Variants in EXOSC5 observed in about 807,000 individuals in gnomAD.
EXOSC5 encodes exosome complex component RRP46.
In EXOSC5, 15 loss-of-function variants were observed where a neutral mutation model predicts 23.7. That is an observed-to-expected ratio of 0.63 (90% CI 0.42 to 0.97). EXOSC5 has a LOEUF of 0.97. Among genes scored for constraint, EXOSC5 ranks in the 50% least tolerant of loss-of-function variants. The pLI, the probability that EXOSC5 is intolerant of heterozygous loss-of-function variation, is 0.00. For missense variants in EXOSC5, 305 were observed against 316.3 expected (o/e 0.96, Z 0.27); for synonymous variants, 143 against 140.9 (o/e 1.02, Z -0.11).
At chr19:41,395,002 C>A (rs2039051040) in intron 1 of EXOSC5, among the ~76,000 whole-genome samples, 1 of 150,064 alleles carries the variant, frequency 6.7e-6, no homozygotes. Flanking sequence ...TCACTGCACT[C>A]CAGCCTGGGC....
chr19:41,392,782 G>C (rs2039033022), intron 2 of EXOSC5, 85 bp downstream of exon 2: 4 of 1,206,452 alleles, frequency 3.3e-6, no homozygotes, highest in Non-Finnish European at 4.8e-6. Flanking sequence ...GGGGAGTGGA[G>C]ACTCGGGGCA....
rs1330073886 is a variant in EXOSC5, at chr19:41,392,851, A to T, written c.262+16T>A. The T allele has an allele frequency of 1.2e-6, 2 of 1,612,598 alleles. No homozygotes were observed. Among genetic ancestry groups the T allele is most frequent in the Non-Finnish European group, 1.7e-6 (2 of 1,178,882 alleles). On this transcript the variant is annotated intron_variant, in intron 2 of 5. Transcript: ENST00000221233. ...CAAACTGGGCACCACTCAGAGGTTC[A>T]GCAGGGCCCAATTACCAGGCAGCCC...
At chr19:41,393,061 G>A in intron 1 of EXOSC5, 81 bp from the exon 2 acceptor site, 1 of 1,134,572 alleles carries the variant, frequency 8.8e-7, no homozygotes, top group South Asian at 1.3e-5. Flanking sequence ...CTGACGGCCA[G>A]GGCTCCCCAC....
At chr19:41,393,604 G>C (rs2039040797) in intron 1 of EXOSC5, among the ~76,000 whole-genome samples, 1 of 151,452 alleles carries the variant, frequency 6.6e-6, no homozygotes, top group Non-Finnish European at 1.5e-5. Context: ...CTGTCGCCCA[G>C]GCTGGAGTGC....
At chr19:41,394,844 C>T (rs933149355) in intron 1 of EXOSC5, among the ~76,000 whole-genome samples, 37 of 152,088 alleles carry the variant, frequency 2.4e-4, no homozygotes, top group Non-Finnish European at 3.7e-4. Flanking sequence ...ATCAGCCTGG[C>T]CAACATGGTG....
intron 3 of EXOSC5, among the ~76,000 whole-genome samples, chr19:41,390,655 C>T (rs1161200832): frequency 6.6e-6 from 1 of 152,174 alleles, no homozygotes; most frequent in Non-Finnish European, 1.5e-5. Flanking sequence ...AGAGCCACCT[C>T]GCTGCTGCCT....
intron 3 of EXOSC5, among the ~76,000 whole-genome samples, chr19:41,391,107 G>A (rs1480669729): frequency 6.6e-6 from 1 of 152,176 alleles, no homozygotes; most frequent in Non-Finnish European, 1.5e-5. Context: ...GCTCATGCCT[G>A]TAACCCCAGC....
rs2039075799 is a variant in EXOSC5 at position 41,397,163 on chromosome 19, C to G, written c.148+18G>C. On this transcript the variant is annotated intron_variant, in intron 1 of 5. Coordinates refer to ENST00000221233, the MANE Select transcript of EXOSC5 (RefSeq NM_020158.4). ...CGGTAGTCCCTCTCCAAAAGAAAGA[C>G]CTGGGTGAAGTTCTTACCTTGCAGG... 6 of 1,611,934 alleles carry G rather than the reference C, an allele frequency of 3.7e-6. No homozygotes were observed. The highest frequency in any genetic ancestry group is 5.1e-6 in the Non-Finnish European group (6 of 1,178,284).
Sources: gnomAD v4.1 joint callset for allele counts (sites outside exome capture counted in the v4.1 genomes callset) on GRCh38, gnomAD v4.1.1 for gene constraint, MANE v1.5 for transcripts, NCBI Gene and HGNC (gene_info 2026-07-23, HGNC 2026-07-21) for gene names.